Variants in JPH3 observed in about 807,000 individuals in gnomAD.
The protein encoded by JPH3 is junctophilin 3.
In JPH3, 11 loss-of-function variants were observed where a neutral mutation model predicts 59.6. The observed-to-expected ratio is 0.18, with a 90% CI of 0.12 to 0.31. The LOEUF is 0.31. Ranked by LOEUF, JPH3 falls within the 10% of genes least tolerant of loss-of-function variation. The pLI is 1.00. For missense variants in JPH3, 1,202 were observed against 1,105.7 expected (o/e 1.09, Z -1.24); for synonymous variants, 673 against 483.6 (o/e 1.39, Z -5.14).
intron 3 of JPH3, among the ~76,000 whole-genome samples, chr16:87,689,015 G>A (rs754551147): frequency 6.6e-5 from 10 of 152,152 alleles, no homozygotes; most frequent in African/African-American, 1.2e-4. Flanking sequence ...AGACGACAGG[G>A]ACTCTGCTGG....
At chr16:87,636,816 C>T (rs1484069998) in intron 1 of JPH3, among the ~76,000 whole-genome samples, 4 of 152,236 alleles carry the variant, frequency 2.6e-5, no homozygotes, top group Non-Finnish European at 4.4e-5. Flanking sequence ...GTTCATGCGT[C>T]GCTTAAACCT....
intron 2 of JPH3, among the ~76,000 whole-genome samples, chr16:87,658,733 G>A (rs1219348641): frequency 6.6e-6 from 1 of 152,222 alleles, no homozygotes; most frequent in Admixed American, 6.5e-5. Flanking sequence ...TGGTCAAGAA[G>A]AGCTGCCTTT....
At chr16:87,667,628 G>A (rs1195714380) in intron 2 of JPH3, among the ~76,000 whole-genome samples, 4 of 152,166 alleles carry the variant, frequency 2.6e-5, no homozygotes, top group South Asian at 2.1e-4. Flanking sequence ...CTGTGACAGC[G>A]GGGGGTCTTG....
At chr16:87,645,113 T>C (rs1358260895) in intron 2 of JPH3, 78 bp downstream of exon 2, 22 of 1,434,178 alleles carry the variant, frequency 1.5e-5, no homozygotes, top group Admixed American at 6.4e-5. Context: ...AGTCCTGCTG[T>C]CGCTCAAGGC....
In JPH3 at chr16:87,636,875, C is replaced by T. The variant is rs753036758; in HGVS notation, c.383-7383C>T. ...TATCTTACAGGTGTGGAAACTAACT[C>T]AGCTCCGAGATGTGACTGACCTTCC... On this transcript the variant is annotated intron_variant, in intron 1 of 4. Transcript: ENST00000284262. 1.3e-5 allele frequency among the ~76,000 whole-genome samples: 2 copies of T among 152,248 alleles called. 1 individual carries two copies. Among genetic ancestry groups the T allele is most frequent in the Non-Finnish European group, 2.9e-5 (2 of 68,042 alleles).
At position 87,615,189 on chromosome 16, in the gene JPH3, T is replaced by A. The variant is rs1030768106; in HGVS notation, c.382+11661T>A. On this transcript the variant is annotated intron_variant, in intron 1 of 4. Coordinates refer to ENST00000284262, the MANE Select transcript of JPH3 (RefSeq NM_020655.4). Reference sequence around the variant, plus strand: ...ATCCACAGATCCCCAGATAAGAACCTGTCCATCCTCCCCGGGGCCTAAGCG... The same window carrying A: ...ATCCACAGATCCCCAGATAAGAACCAGTCCATCCTCCCCGGGGCCTAAGCG... Among the ~76,000 whole-genome samples the A allele has an allele frequency of 1.1e-4, 17 of 152,344 alleles. 1 individual carries two copies. Among genetic ancestry groups the A allele is most frequent in the South Asian group, 6.2e-4 (3 of 4,830 alleles).
At chr16:87,655,532 C>G (rs1291896253) in intron 2 of JPH3, among the ~76,000 whole-genome samples, 1 of 152,124 alleles carries the variant, frequency 6.6e-6, no homozygotes, top group African/African-American at 2.4e-5. Flanking sequence ...ATTTTTATGT[C>G]TTGTAGAGAT....
intron 2 of JPH3, among the ~76,000 whole-genome samples, chr16:87,649,582 T>C (rs1205501972): frequency 6.6e-6 from 1 of 152,140 alleles, no homozygotes; most frequent in Non-Finnish European, 1.5e-5. Context: ...CAGTGTGACA[T>C]GGCTTCATTT....
chr16:87,651,473 T>C (rs1163609719), intron 2 of JPH3, among the ~76,000 whole-genome samples: 1 of 152,246 alleles, frequency 6.6e-6, no homozygotes, highest in African/African-American at 2.4e-5. Context: ...TTCACCATTC[T>C]AGATCCCATT....
chr16:87,653,685 A>G (rs927861355), intron 2 of JPH3: 1 of 152,218 alleles, frequency 6.6e-6, no homozygotes, highest in Non-Finnish European at 1.5e-5. Context: ...GGGTGTGCTT[A>G]GTGTCCCCCT....
chr16:87,622,980 G>A (rs969387611), intron 1 of JPH3, among the ~76,000 whole-genome samples: 1 of 152,240 alleles, frequency 6.6e-6, no homozygotes, highest in South Asian at 2.1e-4. Flanking sequence ...GGGTCCCACA[G>A]GGGGGTAAGT....
chr16:87,656,278 A>G (rs1190025283), intron 2 of JPH3, among the ~76,000 whole-genome samples: 1 of 152,228 alleles, frequency 6.6e-6, no homozygotes, highest in Non-Finnish European at 1.5e-5. Flanking sequence ...GTCACTCCAG[A>G]AGCCGCAGGC....
intron 2 of JPH3, among the ~76,000 whole-genome samples, chr16:87,653,145 G>A (rs2032380347): frequency 6.6e-6 from 1 of 152,210 alleles, no homozygotes; most frequent in Non-Finnish European, 1.5e-5. Context: ...CACCCAGGCT[G>A]GGCTCAGGGA....
intron 2 of JPH3, among the ~76,000 whole-genome samples, chr16:87,657,407 G>A (rs1199994486): frequency 6.6e-6 from 1 of 152,132 alleles, no homozygotes. Flanking sequence ...GGGAACAACG[G>A]GGAGTGGCTT....
At chr16:87,695,896 G>A (rs1047736932) in intron 4 of JPH3, 1 of 455,944 alleles carries the variant, frequency 2.2e-6, no homozygotes, top group African/African-American at 2.0e-5. Flanking sequence ...GCTGAAGGGG[G>A]AGTCTGGCAC....
chr16:87,691,467 G>A (rs1227399496), intron 4 of JPH3, among the ~76,000 whole-genome samples: 1 of 152,188 alleles, frequency 6.6e-6, no homozygotes, highest in Admixed American at 6.5e-5. Flanking sequence ...ACGCAGGGGG[G>A]TGTCCGCAGG....
chr16:87,604,885 GT>G, intron 1 of JPH3: 1 of 409,554 alleles, frequency 2.4e-6, no homozygotes, highest in South Asian at 1.7e-5. Flanking sequence ...TGCCGTTGTT[GT>G]TTTCATGGAG....
intron 2 of JPH3, among the ~76,000 whole-genome samples, chr16:87,664,824 G>A (rs939503870): frequency 6.6e-5 from 10 of 152,020 alleles, no homozygotes; most frequent in African/African-American, 2.4e-4. Context: ...ACTTGCCCAG[G>A]GTCCCAGCTA....
At chr16:87,671,277 AC>A (rs2033009018) in intron 2 of JPH3, among the ~76,000 whole-genome samples, 1 of 151,816 alleles carries the variant, frequency 6.6e-6, no homozygotes, top group Admixed American at 6.6e-5. Context: ...CCCCTTCGTC[AC>A]CCCGAGGTGG....
Sources: gnomAD v4.1 joint callset for allele counts (sites outside exome capture counted in the v4.1 genomes callset) on GRCh38, gnomAD v4.1.1 for gene constraint, MANE v1.5 for transcripts, NCBI Gene and HGNC (gene_info 2026-07-23, HGNC 2026-07-21) for gene names.